KCNIP4: variants seen among roughly 807,000 people sequenced by gnomAD.
The protein encoded by KCNIP4 is potassium voltage-gated channel interacting protein 4.
KCNIP4 carries 12 observed loss-of-function variants against 34.0 expected under a neutral mutation model. That is an observed-to-expected ratio of 0.35 (90% CI 0.23 to 0.57). The LOEUF is 0.57. KCNIP4 is among the 20% of genes least tolerant of loss of function. The probability of loss-of-function intolerance (pLI) is 0.83; values close to 1 mark genes in which losing one functional copy is unlikely to be tolerated. For synonymous variants in KCNIP4, 124 were observed against 102.2 expected (o/e 1.21, Z -1.29); for missense variants, 238 against 311.7 (o/e 0.76, Z 1.78).
In KCNIP4 at chr4:21,403,937, T is replaced by C. The variant is rs1224107453; in HGVS notation, c.62-521228A>G. Among the ~76,000 whole-genome samples the C allele has an allele frequency of 7.2e-5, 11 of 152,088 alleles. 1 individual carries two copies. The highest frequency in any genetic ancestry group is 1.3e-4 in the Non-Finnish European group (9 of 68,030). On this transcript the variant is annotated intron_variant, in intron 1 of 8. Coordinates refer to ENST00000382152, the MANE Select transcript of KCNIP4 (RefSeq NM_025221.6). The stretch of plus-strand genomic sequence containing the variant: ...GGTGGAGAACTCATGACTTAATCAC[T>C]CTCCCAAAGGCCTCACCTCTTAATA...
At chr4:21,134,977 T>A (rs1751390060) in intron 1 of KCNIP4, among the ~76,000 whole-genome samples, 1 of 152,190 alleles carries the variant, frequency 6.6e-6, no homozygotes, top group African/African-American at 2.4e-5. Flanking sequence ...CAAGGAAAGG[T>A]CAACTTTACA....
chr4:21,209,519 C>T (rs1340421867), intron 1 of KCNIP4, among the ~76,000 whole-genome samples: 1 of 152,050 alleles, frequency 6.6e-6, no homozygotes, highest in Non-Finnish European at 1.5e-5. Flanking sequence ...GTTTATTTCA[C>T]TTAATATGAT....
chr4:21,677,589 G>A (rs1750008756), intron 1 of KCNIP4, among the ~76,000 whole-genome samples: 1 of 152,118 alleles, frequency 6.6e-6, no homozygotes, highest in Non-Finnish European at 1.5e-5. Flanking sequence ...AAGGCCTGTA[G>A]GGCATCCTGT....
intron 1 of KCNIP4, chr4:21,847,228 T>A (rs1399813353): frequency 6.6e-6 from 1 of 152,106 alleles, no homozygotes; most frequent in Non-Finnish European, 1.5e-5. Flanking sequence ...CAATCTCAGG[T>A]TAGTAAAATG....
At chr4:21,934,045 G>A (rs916110081) in intron 1 of KCNIP4, among the ~76,000 whole-genome samples, 4 of 152,056 alleles carry the variant, frequency 2.6e-5, no homozygotes, top group African/African-American at 4.8e-5. Flanking sequence ...TTACAGTAAT[G>A]TTATGTATTC....
chr4:21,043,141 G>A (rs542928663), intron 1 of KCNIP4, among the ~76,000 whole-genome samples: 5 of 152,210 alleles, frequency 3.3e-5, no homozygotes, highest in South Asian at 2.1e-4. Context: ...AGCATCAGGA[G>A]GAAACCAGGT....
chr4:20,882,464 TG>T, intron 2 of KCNIP4, 143 bp downstream of exon 2: 1 of 639,324 alleles, frequency 1.6e-6, no homozygotes, highest in South Asian at 1.9e-5. Context: ...AATGTTCTCC[TG>T]GGTATTTAGG....
Position 21,134,913 on chromosome 4 carries a change from T to C in KCNIP4, c.62-252204A>G, listed in dbSNP as rs116429621. Among the ~76,000 whole-genome samples, 463 of 152,334 alleles carry C rather than the reference T, an allele frequency of 3.0e-3. 1 individual carries two copies. The highest frequency in any genetic ancestry group is 0.01 in the African/African-American group (423 of 41,568). ...GGCAGAAACTACCATGATGGAGTGGTACTTCTTGACCTAGGCACCTGGCCC... is the reference window on the plus strand; with the variant it reads ...GGCAGAAACTACCATGATGGAGTGGCACTTCTTGACCTAGGCACCTGGCCC... On this transcript the variant is annotated intron_variant, in intron 1 of 8. Coordinates refer to ENST00000382152, the MANE Select transcript of KCNIP4 (RefSeq NM_025221.6).
intron 1 of KCNIP4, among the ~76,000 whole-genome samples, chr4:21,692,687 T>G (rs1711784389): frequency 6.6e-6 from 1 of 152,004 alleles, no homozygotes; most frequent in Non-Finnish European, 1.5e-5. Flanking sequence ...CAGCAAAATT[T>G]GAAAGAATAG....
rs1752145630 is a variant in KCNIP4, at chr4:20,745,156, T to G, written c.429+4506A>C. 2.0e-5 allele frequency among the ~76,000 whole-genome samples: 3 copies of G among 152,144 alleles called. No individual in the cohort carries two copies. The South Asian group carries it at 6.2e-4, about 32-fold the overall frequency. On this transcript the variant is annotated intron_variant, in intron 5 of 8. Coordinates refer to ENST00000382152, the MANE Select transcript of KCNIP4 (RefSeq NM_025221.6). ...TTGCAGCCCTACAGGGTCCCACCCT[T>G]AGGTTGTAGCCAGCCCCATCTCTGG...
intron 1 of KCNIP4, among the ~76,000 whole-genome samples, chr4:21,258,924 A>C (rs970325183): frequency 1.3e-5 from 2 of 151,990 alleles, no homozygotes; most frequent in Admixed American, 1.3e-4. Flanking sequence ...TAATGATGTC[A>C]ATAATAATAA....
At chr4:21,844,076 T>C (rs1271687174) in intron 1 of KCNIP4, 1 of 152,048 alleles carries the variant, frequency 6.6e-6, no homozygotes, top group Non-Finnish European at 1.5e-5. Context: ...TCTACACATA[T>C]TTATTTACAT....
At chr4:21,493,533 G>A (rs1352134926) in intron 1 of KCNIP4, among the ~76,000 whole-genome samples, 2 of 152,094 alleles carry the variant, frequency 1.3e-5, no homozygotes, top group African/African-American at 2.4e-5. Context: ...ACATTTTTAA[G>A]GCTCTCCTCA....
intron 1 of KCNIP4, among the ~76,000 whole-genome samples, chr4:21,027,978 C>T (rs961797951): frequency 2.0e-5 from 3 of 152,142 alleles, no homozygotes; most frequent in Non-Finnish European, 4.4e-5. Context: ...TTCTAATAGA[C>T]ATCTCACAAT....
At chr4:21,668,472 T>C (rs1443705703) in intron 1 of KCNIP4, among the ~76,000 whole-genome samples, 4 of 152,232 alleles carry the variant, frequency 2.6e-5, no homozygotes, top group Admixed American at 6.5e-5. Context: ...GTGAAAACTT[T>C]TTCAATCATT....
chr4:21,588,995 G>T (rs1372269764), intron 1 of KCNIP4, among the ~76,000 whole-genome samples: 1 of 150,844 alleles, frequency 6.6e-6, no homozygotes, highest in Non-Finnish European at 1.5e-5. Context: ...GTGCCATGGT[G>T]AGCACTGGGA....
intron 1 of KCNIP4, among the ~76,000 whole-genome samples, chr4:21,055,805 C>T (rs1743348210): frequency 6.6e-6 from 1 of 152,126 alleles, no homozygotes; most frequent in South Asian, 2.1e-4. Context: ...AAACAGGTGA[C>T]ACACAGAGGA....
At chr4:21,084,049 T>C (rs1746216582) in intron 1 of KCNIP4, among the ~76,000 whole-genome samples, 2 of 151,896 alleles carry the variant, frequency 1.3e-5, no homozygotes, top group African/African-American at 4.9e-5. Context: ...ATTGAATAGA[T>C]ATTTGTTGAG....
At chr4:21,120,939 T>A (rs1430620980) in intron 1 of KCNIP4, among the ~76,000 whole-genome samples, 1 of 152,226 alleles carries the variant, frequency 6.6e-6, no homozygotes, top group Non-Finnish European at 1.5e-5. Context: ...TTTCAACATG[T>A]AAATTCTGGG....
Sources: gnomAD v4.1 joint callset for allele counts (sites outside exome capture counted in the v4.1 genomes callset) on GRCh38, gnomAD v4.1.1 for gene constraint, MANE v1.5 for transcripts, NCBI Gene and HGNC (gene_info 2026-07-23, HGNC 2026-07-21) for gene names.